The following ZNF300 variants were observed in gnomAD, a reference collection of about 807,000 sequenced individuals.
The protein encoded by ZNF300 is kruppel-like zinc finger protein.
ZNF300 carries 6 observed loss-of-function variants against 13.9 expected under a neutral mutation model. That is an observed-to-expected ratio of 0.43 (90% CI 0.24 to 0.85). The LOEUF (loss-of-function observed/expected upper bound fraction) is 0.85, where lower values mean the gene tolerates loss of function less well. ZNF300 is among the 40% of genes least tolerant of loss of function. ZNF300 has a pLI of 0.25. For synonymous variants in ZNF300, 237 were observed against 242.2 expected (o/e 0.98, Z 0.20); for missense variants, 662 against 714.2 (o/e 0.93, Z 0.83).
Position 150,895,435 on chromosome 5 carries a change from C to A in ZNF300, c.1804G>T (p.Val602Leu). 6.3e-7 allele frequency: 1 copy of A among 1,599,844 alleles called. No homozygotes were observed. The highest frequency in any genetic ancestry group is 8.5e-7 in the Non-Finnish European group (1 of 1,171,462). Reference protein sequence around the residue: ...LTVHQRIHTVVKS With the variant: ...LTVHQRIHTVLKS ...CTGTGGCCAGTTCATTATGATTTTA[C>A]CACTGTGTGAATTCTCTGGTGTACA... is the stretch of plus-strand genomic sequence containing the variant. The change falls in exon 6 of 6, where the codon GTA (valine) becomes TTA (leucine). Residue 602 changes from valine to leucine, a missense_variant. By Grantham distance (32) the Val-to-Leu change is conservative (BLOSUM62 1). Coordinates refer to ENST00000274599, the MANE Select transcript of ZNF300 (RefSeq NM_052860.4).
intron 2 of ZNF300, 117 bp from the exon 3 acceptor site, chr5:150,903,299 C>A: frequency 1.9e-6 from 3 of 1,587,564 alleles, no homozygotes; most frequent in Non-Finnish European, 2.6e-6. Context: ...TAATGGGCTA[C>A]CCTGTGGGAT....
rs754022980 is a variant in ZNF300 at position 150,895,664 on chromosome 5, T to G, written c.1575A>C (p.Glu525Asp). 6.8e-6 allele frequency: 11 copies of G among 1,613,404 alleles called. No homozygotes were observed. Among genetic ancestry groups the G allele is most frequent in the Non-Finnish European group, 9.3e-6 (11 of 1,179,686 alleles). The change falls in exon 6 of 6, where the codon GAA becomes GAC. Residue 525 changes from glutamate to aspartate, a missense_variant. Coordinates refer to ENST00000274599, the MANE Select transcript of ZNF300 (RefSeq NM_052860.4). Reference sequence around the variant, plus strand: ...ACTTCTGAGAGAAGGCTTTCCCACATTCAGTACATATATAAGGTTTTTCTC... The same window carrying G: ...ACTTCTGAGAGAAGGCTTTCCCACAGTCAGTACATATATAAGGTTTTTCTC... Reference protein sequence around the residue: ...HTGEKPYICTECGKAFSQKSH... With the variant: ...HTGEKPYICTDCGKAFSQKSH...
rs775053961 is a variant in ZNF300 at position 150,896,495 on chromosome 5, G to A, written c.744C>T (p.Asn248=). 20 of 1,613,196 alleles carry A rather than the reference G, an allele frequency of 1.2e-5. No individual in the cohort carries two copies. The highest frequency in any genetic ancestry group is 2.7e-5 in the African/African-American group (2 of 74,830). Residue 248 remains asparagine, a synonymous_variant, in exon 6 of 6, where the codon AAC becomes AAT. Coordinates refer to ENST00000274599, the MANE Select transcript of ZNF300 (RefSeq NM_052860.4). ...VIPFDDNQCG[N]VFRNTQSLIQ... Reference sequence around the variant, plus strand: ...TAAGGGATTGTGTATTTCTAAAAACGTTTCCACACTGATTATCATCAAAAG... The same window carrying A: ...TAAGGGATTGTGTATTTCTAAAAACATTTCCACACTGATTATCATCAAAAG...
chr5:150,903,118 T>A, intron 3 of ZNF300, 23 bp downstream of exon 3: 3 of 1,598,788 alleles, frequency 1.9e-6, no homozygotes, highest in Non-Finnish European at 2.6e-6. Context: ...AAGAATTTTT[T>A]TTTTTTTTAA....
At position 150,896,003 on chromosome 5, in the gene ZNF300, G is replaced by A. The variant is rs558818519; in HGVS notation, c.1236C>T (p.Thr412=). 158 of 1,613,102 alleles carry A rather than the reference G, an allele frequency of 9.8e-5. No individual in the cohort carries two copies. The South Asian group carries it at 1.0e-3, about 11-fold the overall frequency. The stretch of plus-strand genomic sequence containing the variant: ...TCTCACAGAAGGCTTTCCCACATTC[G>A]GTACACTCATACGGCTTCTCTCCAG... The part of the protein sequence containing the change: ...AHTGEKPYEC[T]ECGKAFCEKS... Residue 412 remains threonine (T), a synonymous_variant, in exon 6 of 6, where the codon ACC becomes ACT. Transcript: ENST00000274599.
chr5:150,897,877 T>C (rs769957519), intron 5 of ZNF300, 185 bp downstream of exon 5: 19 of 621,054 alleles, frequency 3.1e-5, no homozygotes, highest in African/African-American at 1.3e-4. Context: ...TATAAACATA[T>C]ATATATACAC....
Position 150,895,573 on chromosome 5 carries a change from T to G in ZNF300, c.1666A>C (p.Lys556Gln). The change falls in exon 6 of 6, where the codon AAG becomes CAG. Residue 556 changes from lysine (K) to glutamine (Q), a missense_variant. Lys to Gln is a moderately conservative substitution (Grantham distance 53). Coordinates refer to ENST00000274599, the MANE Select transcript of ZNF300 (RefSeq NM_052860.4). ...AGGTCTGACTTCTGAGAAAAGGCCT[T>G]TCCACATTCAGCACATATGTAAGGT... ...EKPYICAECG[K>Q]AFSQKSDLVL... The G allele has an allele frequency of 6.2e-7, 1 of 1,613,598 alleles. No individual in the cohort carries two copies. Among genetic ancestry groups the G allele is most frequent in the Non-Finnish European group, 8.5e-7 (1 of 1,179,792 alleles).
Position 150,898,539 on chromosome 5 carries a change from T to G in ZNF300, c.31A>C (p.Lys11Gln), listed in dbSNP as rs1478376823. The G allele has an allele frequency of 6.2e-7, 1 of 1,611,478 alleles. No homozygotes were observed. The highest frequency in any genetic ancestry group is 1.7e-5 in the Admixed American group (1 of 59,824). MMKSQGLVSF[K>Q]DVAVDFTQEE... ...TGGGTGAAATCCACAGCCACATCCTTGAATGATACTAACCCCTGTAATAGT... is the reference window on the plus strand; with the variant it reads ...TGGGTGAAATCCACAGCCACATCCTGGAATGATACTAACCCCTGTAATAGT... The change falls in exon 4 of 6, where the codon AAG becomes CAG. Residue 11 changes from lysine (K) to glutamine (Q), a missense_variant. Lys to Gln is a moderately conservative substitution (Grantham distance 53). Coordinates refer to ENST00000274599, the MANE Select transcript of ZNF300 (RefSeq NM_052860.4).
At chr5:150,900,244 T>G (rs148653404) in intron 3 of ZNF300, among the ~76,000 whole-genome samples, 336 of 152,216 alleles carry the variant, frequency 2.2e-3, no homozygotes, top group African/African-American at 7.7e-3. Flanking sequence ...CATCATGATC[T>G]TTTATATTTT....
intron 3 of ZNF300, chr5:150,900,769 T>C (rs141428145): frequency 1.3e-5 from 2 of 152,104 alleles, no homozygotes; most frequent in Non-Finnish European, 2.9e-5. Flanking sequence ...ATTTGTTTTA[T>C]CTGAAGAAAA....
At chr5:150,900,954 A>G (rs972176029) in intron 3 of ZNF300, among the ~76,000 whole-genome samples, 2 of 152,122 alleles carry the variant, frequency 1.3e-5, no homozygotes, top group Non-Finnish European at 2.9e-5. Flanking sequence ...GTACATAATC[A>G]GTGAAAAATT....
At chr5:150,900,172 T>G (rs888888728) in intron 3 of ZNF300, among the ~76,000 whole-genome samples, 1 of 152,122 alleles carries the variant, frequency 6.6e-6, no homozygotes, top group African/African-American at 2.4e-5. Flanking sequence ...TCTGCAAGAT[T>G]TATTCTCAAT....
Position 150,896,574 on chromosome 5 carries a change from G to A in ZNF300, c.665C>T (p.Ser222Phe). Reference sequence around the variant, plus strand: ...ATTAGAATTGGGCTCACTCTGGCTAGATGATTTTCCACCTCCAAAACTCTG... The same window carrying A: ...ATTAGAATTGGGCTCACTCTGGCTAAATGATTTTCCACCTCCAAAACTCTG... Reference protein sequence around the residue: ...PDQSFGGGKSSSQSEPNSNLE... With the variant: ...PDQSFGGGKSFSQSEPNSNLE... Residue 222 changes from serine (S) to phenylalanine (F), a missense_variant, in exon 6 of 6, where the codon TCT becomes TTT. By Grantham distance (155) the Ser-to-Phe change is radical. Coordinates refer to ENST00000274599, the MANE Select transcript of ZNF300 (RefSeq NM_052860.4). The A allele has an allele frequency of 1.2e-5, 20 of 1,613,658 alleles. No individual in the cohort carries two copies. Among genetic ancestry groups the A allele is most frequent in the Non-Finnish European group, 1.7e-5 (20 of 1,179,780 alleles).
intron 3 of ZNF300, 26 bp downstream of exon 3, chr5:150,903,115 T>C (rs1755040587): frequency 6.3e-7 from 1 of 1,590,256 alleles, no homozygotes; most frequent in Non-Finnish European, 8.5e-7. Context: ...AAGAAGAATT[T>C]TTTTTTTTTT....
rs1754716912 is a variant in ZNF300 at position 150,895,361 on chromosome 5, A to C, written c.*63T>G. The C allele has an allele frequency of 3.1e-6, 4 of 1,271,028 alleles. No individual in the cohort carries two copies. The highest frequency in any genetic ancestry group is 1.5e-5 in the African/African-American group (1 of 66,678). 78.7% of individuals were successfully genotyped at this position (1,271,028 alleles called of 1,614,324 possible). On this transcript the variant is annotated 3_prime_UTR_variant, in exon 6 of 6. Coordinates refer to ENST00000274599, the MANE Select transcript of ZNF300 (RefSeq NM_052860.4). The stretch of plus-strand genomic sequence containing the variant: ...ATGTTGTCCCCAAGCTTATCAAATT[A>C]ATTGGGTTTCTAGTAATTATTAAGG...
In ZNF300 at chr5:150,896,302, C is replaced by G; in HGVS notation, c.937G>C (p.Val313Leu). ...GKAFSEKFHL[V>L]VHQRTHTGEK... ...CCAGTATGAGTTCTCTGATGTACAA[C>G]AAGATGAAACTTCTCACTGAAGGCT... The change falls in exon 6 of 6, where the codon GTT becomes CTT. Residue 313 changes from valine (V) to leucine (L), a missense_variant. Physicochemically the swap from Val to Leu is conservative, Grantham distance 32. Coordinates refer to ENST00000274599, the MANE Select transcript of ZNF300 (RefSeq NM_052860.4). 1.2e-6 allele frequency: 2 copies of G among 1,613,522 alleles called. No homozygotes were observed. The highest frequency in any genetic ancestry group is 1.3e-5 in the African/African-American group (1 of 74,956).
chr5:150,897,827 C>T, intron 5 of ZNF300: 2 of 433,890 alleles, frequency 4.6e-6, no homozygotes, highest in East Asian at 3.5e-5. Context: ...AGGAATTTGC[C>T]TTCTATTGCC....
chr5:150,897,896 C>T (rs914195957), intron 5 of ZNF300, 166 bp downstream of exon 5: 2 of 737,342 alleles, frequency 2.7e-6, no homozygotes, highest in Non-Finnish European at 4.2e-6. Flanking sequence ...ACACAAGAGA[C>T]AGGATCAACA....
chr5:150,897,421 A>G (rs1754834976), intron 5 of ZNF300: 1 of 156,478 alleles, frequency 6.4e-6, no homozygotes, highest in Non-Finnish European at 1.4e-5. Context: ...AATAATAGAA[A>G]AATCCAATAT....
Sources: gnomAD v4.1 joint callset for allele counts (sites outside exome capture counted in the v4.1 genomes callset) on GRCh38, gnomAD v4.1.1 for gene constraint, MANE v1.5 for transcripts, NCBI Gene and HGNC (gene_info 2026-07-23, HGNC 2026-07-21) for gene names.